SLC44A5: variants seen among roughly 807,000 people sequenced by gnomAD.
SLC44A5 encodes the protein solute carrier family 44 member 5, also known as choline transporter-like protein 5.
A neutral mutation model predicts 101.8 loss-of-function variants in SLC44A5; 57 were observed. The observed-to-expected ratio is 0.56, with a 90% CI of 0.45 to 0.70. SLC44A5 has a LOEUF of 0.70. Among genes scored for constraint, SLC44A5 ranks in the 30% least tolerant of loss-of-function variants. The pLI is 0.00. For missense variants in SLC44A5, 737 were observed against 853.1 expected (o/e 0.86, Z 1.70); for synonymous variants, 281 against 290.9 (o/e 0.97, Z 0.35).
At chr1:75,323,261 G>A (rs1346534020) in intron 4 of SLC44A5, among the ~76,000 whole-genome samples, 2 of 151,604 alleles carry the variant, frequency 1.3e-5, no homozygotes, top group African/African-American at 4.9e-5. Context: ...TCCCTACAAA[G>A]GACATGAACT....
At chr1:75,344,660 G>A (rs918170783) in intron 3 of SLC44A5, among the ~76,000 whole-genome samples, 2 of 152,152 alleles carry the variant, frequency 1.3e-5, no homozygotes, top group African/African-American at 4.8e-5. Context: ...AAAGATGTAA[G>A]AGAGTCATTA....
intron 3 of SLC44A5, among the ~76,000 whole-genome samples, chr1:75,384,884 G>A (rs1372182386): frequency 6.6e-6 from 1 of 151,288 alleles, no homozygotes; most frequent in East Asian, 1.9e-4. Context: ...AATCAAACTA[G>A]AACTCAGGAT....
At chr1:75,370,579 G>A (rs1350165065) in intron 3 of SLC44A5, among the ~76,000 whole-genome samples, 1 of 152,172 alleles carries the variant, frequency 6.6e-6, no homozygotes, top group Non-Finnish European at 1.5e-5. Context: ...AGAGAAGATG[G>A]AAGTAACAAA....
chr1:75,298,025 G>A (rs1654108791), intron 5 of SLC44A5, among the ~76,000 whole-genome samples: 2 of 152,162 alleles, frequency 1.3e-5, no homozygotes, highest in African/African-American at 2.4e-5. Flanking sequence ...AAAAGATCAT[G>A]GATGAAAGAT....
chr1:75,718,287 G>C, the SLC44A5 span, among the ~76,000 whole-genome samples: 3 of 152,170 alleles, frequency 2.0e-5, no homozygotes, highest in African/African-American at 7.2e-5. Flanking sequence ...CAAGCCCTCA[G>C]AGGGTAGAGT....
At chr1:75,685,051 C>T in the SLC44A5 span, among the ~76,000 whole-genome samples, 1 of 152,232 alleles carries the variant, frequency 6.6e-6, no homozygotes, top group Non-Finnish European at 1.5e-5. Flanking sequence ...CTTCTGTGCA[C>T]TGGCAGGCCC....
chr1:75,371,190 G>A (rs978131734), intron 3 of SLC44A5, among the ~76,000 whole-genome samples: 4 of 152,182 alleles, frequency 2.6e-5, no homozygotes, highest in South Asian at 2.1e-4. Context: ...CCCCATTTGC[G>A]AAGGCAGGGA....
chr1:75,378,233 G>A (rs1660748731), intron 3 of SLC44A5, among the ~76,000 whole-genome samples: 1 of 77,154 alleles, frequency 1.3e-5, no homozygotes, highest in Non-Finnish European at 2.2e-5. Context: ...AAGTAAATAT[G>A]CCTCTTATCT....
intron 4 of SLC44A5, among the ~76,000 whole-genome samples, chr1:75,332,291 C>T (rs12033814): frequency 6.6e-6 from 1 of 152,228 alleles, no homozygotes; most frequent in South Asian, 2.1e-4. Context: ...AATTTAATTT[C>T]AATATCAGCT....
rs1297608025 is a variant in SLC44A5, at chr1:75,359,863, C to T, written c.53-20233G>A. On this transcript the variant is annotated intron_variant, in intron 3 of 23. Transcript: ENST00000370859. ...CTTTCATATTTTCAATAATAGCCAA[C>T]AGGTATAAAGTGATACCTCACTGTG... Among the ~76,000 whole-genome samples, 10 of 152,138 alleles carry T rather than the reference C, an allele frequency of 6.6e-5. No homozygotes were observed. In the East Asian group the frequency reaches 1.9e-3, roughly 29 times the overall value.
chr1:75,327,901 G>T (rs936701805), intron 4 of SLC44A5, among the ~76,000 whole-genome samples: 1 of 152,126 alleles, frequency 6.6e-6, no homozygotes, highest in African/African-American at 2.4e-5. Context: ...CTTTGCCCAG[G>T]TTCTCTGCAC....
chr1:75,555,575 C>T (rs1326037063), intron 1 of SLC44A5, among the ~76,000 whole-genome samples: 1 of 151,904 alleles, frequency 6.6e-6, no homozygotes, highest in Non-Finnish European at 1.5e-5. Flanking sequence ...ACATGGAGTG[C>T]CCGTTCAAAG....
rs139151121 is a variant in SLC44A5 at position 75,484,611 on chromosome 1, A to T, written c.13+56824T>A. Among the ~76,000 whole-genome samples, 162 of 152,288 alleles carry T rather than the reference A, an allele frequency of 1.1e-3. 1 individual carries two copies. Among genetic ancestry groups the T allele is most frequent in the Non-Finnish European group, 1.9e-3 (131 of 68,036 alleles). On this transcript the variant is annotated intron_variant, in intron 2 of 23. Coordinates refer to ENST00000370859, the MANE Select transcript of SLC44A5 (RefSeq NM_001130058.2). ...GTGTATCTACCATTCTAGGGTCTGG[A>T]GGATGGTGGCCCTCTTCTTACAGCT...
At chr1:75,250,319 G>A (rs950852732) in intron 7 of SLC44A5, among the ~76,000 whole-genome samples, 4 of 152,054 alleles carry the variant, frequency 2.6e-5, no homozygotes, top group East Asian at 1.9e-4. Context: ...ATGTCTCTGC[G>A]AGGGACGTGA....
At chr1:75,723,682 A>T in the SLC44A5 span, 4 of 152,196 alleles carry the variant, frequency 2.6e-5, no homozygotes, top group African/African-American at 9.7e-5. Context: ...ACCACTTTGA[A>T]GGCTTTCTTG....
chr1:75,348,097 G>A (rs1438904086), intron 3 of SLC44A5, among the ~76,000 whole-genome samples: 1 of 151,818 alleles, frequency 6.6e-6, no homozygotes, highest in African/African-American at 2.4e-5. Flanking sequence ...AACTATACCT[G>A]CTAGCTTCAA....
chr1:75,496,861 G>A (rs1468717634), intron 2 of SLC44A5, among the ~76,000 whole-genome samples: 1 of 152,028 alleles, frequency 6.6e-6, no homozygotes, highest in Non-Finnish European at 1.5e-5. Context: ...CATAGAGTTT[G>A]CCACTAAGTA....
intron 4 of SLC44A5, among the ~76,000 whole-genome samples, chr1:75,339,116 G>A (rs1026666107): frequency 6.6e-6 from 1 of 152,284 alleles, no homozygotes; most frequent in Admixed American, 6.5e-5. Flanking sequence ...AAGTGCACAC[G>A]ATGCATTGGT....
intron 3 of SLC44A5, among the ~76,000 whole-genome samples, chr1:75,384,623 C>A (rs1263653472): frequency 1.8e-5 from 2 of 110,238 alleles, no homozygotes; most frequent in East Asian, 5.0e-4. Flanking sequence ...CTTTAACACC[C>A]CACTGTCAAC....
Sources: allele counts gnomAD v4.1 joint callset (sites outside exome capture counted in the v4.1 genomes callset), GRCh38; gene constraint gnomAD v4.1.1; transcripts MANE v1.5; gene names NCBI Gene and HGNC (gene_info 2026-07-23, HGNC 2026-07-21).